The following MYRIP variants were observed in gnomAD, a reference collection of about 807,000 sequenced individuals.
MYRIP encodes myosin VIIA and Rab interacting protein.
In MYRIP, 49 loss-of-function variants were observed where a neutral mutation model predicts 98.0. The ratio of observed to expected loss-of-function variants is 0.50; its 90% CI spans 0.40 to 0.63. MYRIP has a LOEUF of 0.63. Ranked by LOEUF, MYRIP falls within the 30% of genes least tolerant of loss-of-function variation. The pLI, the probability that MYRIP is intolerant of heterozygous loss-of-function variation, is 0.00. For synonymous variants in MYRIP, 404 were observed against 409.5 expected, an observed-to-expected ratio of 0.99 and a Z score of 0.16; for missense variants, 1,004 against 1,058.2, an observed-to-expected ratio of 0.95 and a Z score of 0.71.
intron 1 of MYRIP, among the ~76,000 whole-genome samples, chr3:39,849,531 A>G (rs1329081548): frequency 6.6e-6 from 1 of 152,186 alleles, no homozygotes; most frequent in Non-Finnish European, 1.5e-5. Flanking sequence ...AGATGGTGAG[A>G]GGTTCATCAG....
At chr3:39,987,243 C>T (rs764225156) in intron 2 of MYRIP, among the ~76,000 whole-genome samples, 13 of 152,068 alleles carry the variant, frequency 8.5e-5, no homozygotes, top group Non-Finnish European at 1.6e-4. Flanking sequence ...CACTTGTGAG[C>T]GAGATCATGT....
At chr3:40,043,904 T>C in intron 2 of MYRIP, 146 bp from the exon 3 acceptor site, 1 of 645,202 alleles carries the variant, frequency 1.5e-6, no homozygotes, top group Non-Finnish European at 2.7e-6. Context: ...GAGCAGTTGA[T>C]CTTTCTGAGT....
At position 39,874,423 on chromosome 3, in the gene MYRIP, T is replaced by A. The variant is rs555383517; in HGVS notation, c.-30-26364T>A. On this transcript the variant is annotated intron_variant, in intron 1 of 16. Coordinates refer to ENST00000302541, the MANE Select transcript of MYRIP (RefSeq NM_015460.4). ...AGGGCATCCCTGTCTTCTGCCAGTT[T>A]TCAAAGGGAATGCTTCCAGTTTTTG... 8.8e-3 allele frequency among the ~76,000 whole-genome samples: 1,324 copies of A among 151,176 alleles called. 24 individuals carry two copies. The highest frequency in any genetic ancestry group is 0.031 in the African/African-American group (1,258 of 40,486).
intron 10 of MYRIP, among the ~76,000 whole-genome samples, chr3:40,203,920 A>G (rs186846323): frequency 0.14 from 927 of 6,690 alleles, 133 homozygotes; most frequent in African/African-American, 0.27. Flanking sequence ...TATTATTTAT[A>G]TAAATATAAT....
chr3:39,899,829 T>G (rs975357553), intron 1 of MYRIP, among the ~76,000 whole-genome samples: 1 of 152,214 alleles, frequency 6.6e-6, no homozygotes, highest in African/African-American at 2.4e-5. Flanking sequence ...ATTTGCCATT[T>G]CTATTTTTTG....
intron 2 of MYRIP, among the ~76,000 whole-genome samples, chr3:40,002,916 A>G (rs1415875385): frequency 6.6e-6 from 1 of 152,012 alleles, no homozygotes; most frequent in East Asian, 1.9e-4. Context: ...ACAAGTATGC[A>G]TATATAGACA....
chr3:40,031,118 AG>A (rs1449502529), intron 2 of MYRIP, among the ~76,000 whole-genome samples: 1 of 151,916 alleles, frequency 6.6e-6, no homozygotes, highest in Non-Finnish European at 1.5e-5. Flanking sequence ...ACAGTTTTGG[AG>A]ACTGGGAGGT....
At chr3:40,239,046 A>G (rs1166884491) in intron 12 of MYRIP, among the ~76,000 whole-genome samples, 1 of 134,920 alleles carries the variant, frequency 7.4e-6, no homozygotes, top group Non-Finnish European at 1.6e-5. Flanking sequence ...TCCCAATGCT[A>G]TCCCTCCCCC....
At chr3:39,938,717 G>A (rs1009534711) in intron 2 of MYRIP, among the ~76,000 whole-genome samples, 1 of 152,046 alleles carries the variant, frequency 6.6e-6, no homozygotes, top group African/African-American at 2.4e-5. Context: ...TGTTGCCCAG[G>A]CTGGTGTCAA....
intron 3 of MYRIP, among the ~76,000 whole-genome samples, chr3:40,060,672 A>G (rs1019343138): frequency 1.3e-5 from 2 of 149,246 alleles, no homozygotes; most frequent in African/African-American, 4.9e-5. Context: ...GCTCACTGCA[A>G]CCTCCACCTC....
chr3:40,020,267 A>G (rs1027473611), intron 2 of MYRIP, among the ~76,000 whole-genome samples: 1 of 151,994 alleles, frequency 6.6e-6, no homozygotes, highest in Non-Finnish European at 1.5e-5. Context: ...TTGCATTAAG[A>G]ATTAATATGT....
chr3:40,209,612 G>GA (rs575518430), intron 10 of MYRIP, among the ~76,000 whole-genome samples: 109 of 140,220 alleles, frequency 7.8e-4, no homozygotes, highest in Middle Eastern at 3.5e-3. Flanking sequence ...GTCTGTGAAT[G>GA]AAAAAAAAAA....
At chr3:39,883,186 C>A (rs1943198923) in intron 1 of MYRIP, among the ~76,000 whole-genome samples, 1 of 152,064 alleles carries the variant, frequency 6.6e-6, no homozygotes, top group South Asian at 2.1e-4. Flanking sequence ...GGGAGAGATC[C>A]TATTGACAAA....
chr3:39,987,483 T>C (rs541129902), intron 2 of MYRIP, among the ~76,000 whole-genome samples: 8 of 152,348 alleles, frequency 5.3e-5, no homozygotes, highest in Admixed American at 4.6e-4. Context: ...CCTGTGTCTT[T>C]ATAATAGAAT....
At chr3:39,994,566 A>G (rs1252231130) in intron 2 of MYRIP, among the ~76,000 whole-genome samples, 1 of 152,238 alleles carries the variant, frequency 6.6e-6, no homozygotes, top group African/African-American at 2.4e-5. Flanking sequence ...GGAGCCCACC[A>G]CAGCTCAAGG....
At chr3:40,118,274 A>G (rs1949324402) in intron 3 of MYRIP, among the ~76,000 whole-genome samples, 1 of 152,218 alleles carries the variant, frequency 6.6e-6, no homozygotes, top group African/African-American at 2.4e-5. Context: ...CGATAACTCA[A>G]ATGGAAGGAA....
intron 3 of MYRIP, among the ~76,000 whole-genome samples, chr3:40,131,526 A>G (rs180676348): frequency 6.6e-6 from 1 of 152,340 alleles, no homozygotes; most frequent in African/African-American, 2.4e-5. Flanking sequence ...CTCCCATCGT[A>G]TTCTCTCTGT....
intron 1 of MYRIP, among the ~76,000 whole-genome samples, chr3:39,873,159 T>A (rs1490211402): frequency 6.6e-6 from 1 of 152,222 alleles, no homozygotes; most frequent in African/African-American, 2.4e-5. Context: ...TCTGTTCATG[T>A]CTTTTGCCCA....
At chr3:39,888,697 A>G (rs1009425005) in intron 1 of MYRIP, among the ~76,000 whole-genome samples, 11 of 152,172 alleles carry the variant, frequency 7.2e-5, no homozygotes, top group Non-Finnish European at 1.0e-4. Context: ...ATTAAACTAA[A>G]GAACTTCTGC....
Sources: allele counts gnomAD v4.1 joint callset (sites outside exome capture counted in the v4.1 genomes callset), GRCh38; gene constraint gnomAD v4.1.1; transcripts MANE v1.5; gene names NCBI Gene and HGNC (gene_info 2026-07-23, HGNC 2026-07-21).